TMPRSS2: variants seen among roughly 807,000 people sequenced by gnomAD.
TMPRSS2 encodes the protein transmembrane protease serine 2.
Under a neutral mutation model 67.4 loss-of-function variants are expected in TMPRSS2, and 59 were observed. That is an observed-to-expected ratio of 0.88 (90% CI 0.71 to 1.09). TMPRSS2 has a LOEUF of 1.09. TMPRSS2 is among the 50% of genes least tolerant of loss of function. The probability of loss-of-function intolerance (pLI) is 0.00; values close to 1 mark genes in which losing one functional copy is unlikely to be tolerated. For synonymous variants in TMPRSS2, 257 were observed against 257.0 expected, an observed-to-expected ratio of 1.00 and a Z score of 0.00; for missense variants, 668 against 642.7, an observed-to-expected ratio of 1.04 and a Z score of -0.43.
intron 1 of TMPRSS2, among the ~76,000 whole-genome samples, chr21:41,499,562 T>C (rs550022745): frequency 2.6e-5 from 4 of 152,178 alleles, no homozygotes; most frequent in Non-Finnish European, 5.9e-5. Flanking sequence ...TCAGCAAGAA[T>C]CCTGTTTGGT....
chr21:41,485,560 G>A (rs574890845), intron 5 of TMPRSS2, among the ~76,000 whole-genome samples: 2 of 151,746 alleles, frequency 1.3e-5, no homozygotes, highest in African/African-American at 4.8e-5. Flanking sequence ...GAGGCTGGGG[G>A]ATCGCTTAAC....
At position 41,465,877 on chromosome 21, in the gene TMPRSS2, C is replaced by T; in HGVS notation, c.*265G>A. ...GAAGATCTCAATGGGGCAGCCTCCA[C>T]CCCTCTCCTCCACACTTGACCGCCA... On this transcript the variant is annotated 3_prime_UTR_variant, in exon 14 of 14. Coordinates refer to ENST00000332149, the MANE Select transcript of TMPRSS2 (RefSeq NM_005656.4). 1 of 541,798 alleles carries T rather than the reference C, an allele frequency of 1.8e-6. No individual in the cohort carries two copies. The highest frequency in any genetic ancestry group is 1.9e-5 in the African/African-American group (1 of 51,888). 33.6% of individuals were successfully genotyped at this position (541,798 alleles called of 1,614,324 possible).
chr21:41,470,622 T>C, intron 11 of TMPRSS2, 26 bp downstream of exon 11: 1 of 1,607,916 alleles, frequency 6.2e-7, no homozygotes, highest in Non-Finnish European at 8.5e-7. Flanking sequence ...GGCCCTGCAG[T>C]CCTGTGTGCC....
chr21:41,497,957 C>A (rs1449298775), intron 2 of TMPRSS2, among the ~76,000 whole-genome samples, 162 bp downstream of exon 2: 1 of 152,236 alleles, frequency 6.6e-6, no homozygotes, highest in African/African-American at 2.4e-5. Flanking sequence ...TGTGGCTGCG[C>A]ACCTGACTCA....
chr21:41,473,642 G>A (rs1272457631), intron 8 of TMPRSS2, 146 bp from the exon 9 acceptor site: 1 of 920,822 alleles, frequency 1.1e-6, no homozygotes, highest in Non-Finnish European at 1.6e-6. Context: ...GGCTCCTGGG[G>A]GTCTCCTCTT....
At chr21:41,473,228 G>A (rs993177373) in intron 9 of TMPRSS2, 97 bp downstream of exon 9, 4 of 1,357,378 alleles carry the variant, frequency 2.9e-6, no homozygotes, top group Non-Finnish European at 3.0e-6. Context: ...TAAACACAAG[G>A]ATGCCGGGGC....
chr21:41,508,117 CT>C lies in TMPRSS2; in HGVS notation c.-94del. The C allele has an allele frequency of 1.1e-6, 1 of 897,504 alleles. No homozygotes were observed. The highest frequency in any genetic ancestry group is 2.9e-5 in the South Asian group (1 of 33,940). 55.6% of individuals were successfully genotyped at this position (897,504 alleles called of 1,614,324 possible). A position where few individuals can be genotyped will look rare whatever the true frequency, so the allele number is the denominator to read the frequency against. ...CAGGCGGCGCTCCCCGCCCCTCGCC[CT>C]CCGCCTCCGCCTCCGCCTCCTGCTT... On this transcript the variant is annotated 5_prime_UTR_variant, in exon 1 of 14. Coordinates refer to ENST00000332149, the MANE Select transcript of TMPRSS2 (RefSeq NM_005656.4).
At chr21:41,480,797 T>G (rs995026423) in intron 5 of TMPRSS2, among the ~76,000 whole-genome samples, 195 bp from the exon 6 acceptor site, 1 of 151,998 alleles carries the variant, frequency 6.6e-6, no homozygotes, top group Non-Finnish European at 1.5e-5. Flanking sequence ...CACCACCCCG[T>G]CCAGTTAATT....
chr21:41,470,326 G>A (rs1052851415), intron 11 of TMPRSS2, among the ~76,000 whole-genome samples: 1 of 152,128 alleles, frequency 6.6e-6, no homozygotes, highest in Non-Finnish European at 1.5e-5. Context: ...GCCTTGGTGG[G>A]ATCTCCAGGG....
At chr21:41,489,874 G>A (rs1182145996) in intron 3 of TMPRSS2, among the ~76,000 whole-genome samples, 4 of 152,104 alleles carry the variant, frequency 2.6e-5, no homozygotes, top group Non-Finnish European at 4.4e-5. Flanking sequence ...TTCGCTGGGC[G>A]CAGTGGCTCA....
intron 6 of TMPRSS2, 138 bp from the exon 7 acceptor site, chr21:41,479,420 T>C: frequency 1.6e-6 from 1 of 644,402 alleles, no homozygotes; most frequent in South Asian, 2.1e-5. Flanking sequence ...AATCACACGT[T>C]CTAACCAAGT....
intron 5 of TMPRSS2, among the ~76,000 whole-genome samples, chr21:41,481,397 G>A (rs1043476691): frequency 2.6e-5 from 4 of 152,146 alleles, no homozygotes; most frequent in Admixed American, 6.5e-5. Context: ...GCATGATCCC[G>A]CTCACATGGA....
intron 1 of TMPRSS2, among the ~76,000 whole-genome samples, chr21:41,507,559 C>T (rs527658940): frequency 3.3e-5 from 5 of 152,218 alleles, no homozygotes; most frequent in African/African-American, 9.6e-5. Flanking sequence ...CAGCGAGTTT[C>T]CAGTTTCTCC....
intron 11 of TMPRSS2, 34 bp from the exon 12 acceptor site, chr21:41,468,572 T>A: frequency 5.6e-6 from 9 of 1,611,706 alleles, no homozygotes; most frequent in Non-Finnish European, 7.6e-6. Flanking sequence ...GCTCCCAGTG[T>A]TGCCTGCAGC....
intron 7 of TMPRSS2, among the ~76,000 whole-genome samples, chr21:41,477,970 C>T (rs902453086): frequency 3.3e-5 from 5 of 152,158 alleles, no homozygotes; most frequent in African/African-American, 9.7e-5. Context: ...TTGTGAGTTC[C>T]CAAGGCTCTT....
intron 10 of TMPRSS2, among the ~76,000 whole-genome samples, chr21:41,471,147 C>G (rs1198022001): frequency 1.3e-5 from 2 of 152,180 alleles, no homozygotes; most frequent in Non-Finnish European, 2.9e-5. Context: ...GAACCATTTC[C>G]CAATGTGAAT....
chr21:41,475,922 G>C (rs564705715), intron 8 of TMPRSS2, among the ~76,000 whole-genome samples: 1 of 151,912 alleles, frequency 6.6e-6, no homozygotes, highest in Admixed American at 6.6e-5. Flanking sequence ...ATGGGACGGT[G>C]TCAGCTCCTT....
chr21:41,488,484 C>G lies in TMPRSS2; in HGVS notation c.355G>C (p.Glu119Gln). 1.9e-6 allele frequency: 3 copies of G among 1,613,766 alleles called. No individual in the cohort carries two copies. Among genetic ancestry groups the G allele is most frequent in the Non-Finnish European group, 2.5e-6 (3 of 1,179,764 alleles). ...MGSKCSNSGI[E>Q]CDSSGTCINP... ...ATGCAGGTACCTGAGGAGTCGCACT[C>G]TATCCCAGAGTTGGAGCACTTGCTG... The change falls in exon 5 of 14, where the codon GAG (glutamate) becomes CAG (glutamine). Residue 119 changes from glutamate (E) to glutamine (Q), a missense_variant. Glu to Gln is a conservative substitution (Grantham distance 29, BLOSUM62 2). Transcript: ENST00000332149.
intron 8 of TMPRSS2, 22 bp downstream of exon 8, chr21:41,476,555 G>A (rs761811602): frequency 5.6e-6 from 9 of 1,610,754 alleles, no homozygotes; most frequent in Admixed American, 5.0e-5. Flanking sequence ...AGTATCAAAA[G>A]GGGGACTCCA....
Sources: gnomAD v4.1 joint callset for allele counts (sites outside exome capture counted in the v4.1 genomes callset) on GRCh38, gnomAD v4.1.1 for gene constraint, MANE v1.5 for transcripts, NCBI Gene and HGNC (gene_info 2026-07-23, HGNC 2026-07-21) for gene names.